GPATCH11: variants seen among roughly 807,000 people sequenced by gnomAD.
GPATCH11 encodes G patch domain-containing protein 11.
A neutral mutation model predicts 44.8 loss-of-function variants in GPATCH11; 32 were observed. That is an observed-to-expected ratio of 0.71 (90% confidence interval 0.54 to 0.96). GPATCH11 has a LOEUF of 0.96. Among genes scored for constraint, GPATCH11 ranks in the 40% least tolerant of loss-of-function variants. The pLI is 0.00. For missense variants in GPATCH11, 324 were observed against 303.1 expected (o/e 1.07, Z -0.51); for synonymous variants, 84 against 94.4 (o/e 0.89, Z 0.64).
chr2:37,084,557 C>A lies in GPATCH11; in HGVS notation c.-27C>A. On this transcript the variant is annotated 5_prime_UTR_variant, in exon 1 of 9. Coordinates refer to ENST00000674370, the MANE Select transcript of GPATCH11 (RefSeq NM_174931.4). ...CTCTACGGCGCTGAACCGGGGCGAG[C>A]AGAGAGCTGTCAGGTAAGAGAGCTG... The A allele has an allele frequency of 8.1e-7, 1 of 1,232,408 alleles. No homozygotes were observed. The highest frequency in any genetic ancestry group is 1.0e-6 in the Non-Finnish European group (1 of 988,164). The allele number at this position is 1,232,408 out of a possible 1,614,324, so 76.3% of individuals were successfully genotyped here.
chr2:37,092,489 T>TTA (rs147701297), intron 6 of GPATCH11, among the ~76,000 whole-genome samples: 49 of 143,890 alleles, frequency 3.4e-4, no homozygotes, highest in African/African-American at 5.8e-4. Context: ...AATATATATA[T>TTA]TATATATATA....
intron 1 of GPATCH11, among the ~76,000 whole-genome samples, chr2:37,084,882 C>T (rs975943514): frequency 1.3e-5 from 2 of 152,210 alleles, no homozygotes; most frequent in Non-Finnish European, 2.9e-5. Context: ...CAAACCTACT[C>T]CTACAGTCTT....
chr2:37,090,049 AC>A (rs1380505826), intron 3 of GPATCH11, among the ~76,000 whole-genome samples, 183 bp downstream of exon 3: 2 of 152,232 alleles, frequency 1.3e-5, no homozygotes, highest in Non-Finnish European at 2.9e-5. Flanking sequence ...CATTTTAGAT[AC>A]CACATGTGCC....
chr2:37,092,111 AAAATGG>A, intron 5 of GPATCH11, 48 bp from the exon 6 acceptor site: 2 of 1,570,006 alleles, frequency 1.3e-6, no homozygotes, highest in Non-Finnish European at 1.7e-6. Flanking sequence ...TTGGGCATAT[AAAATGG>A]TTAAAGATAA....
rs977805742 is a variant in GPATCH11 at position 37,089,839 on chromosome 2, A to G, written c.259A>G (p.Lys87Glu). Residue 87 changes from lysine to glutamate, a missense_variant, in exon 3 of 9, where the codon AAA becomes GAA. Physicochemically the swap from Lys to Glu is moderately conservative, Grantham distance 56. Transcript: ENST00000674370. ...TGCCTTGCTCCAAAAGATGGGCTAT[A>G]AAAGTGGTCAGGCACTTGGCAAGAG... is the stretch of plus-strand genomic sequence containing the variant. ...GFALLQKMGYKSGQALGKSGG... is the reference protein window; with the variant it reads ...GFALLQKMGYESGQALGKSGG... The G allele has an allele frequency of 1.3e-6, 2 of 1,551,610 alleles. No homozygotes were observed. The highest frequency in any genetic ancestry group is 2.7e-5 in the African/African-American group (2 of 73,180).
At chr2:37,089,510 T>A in intron 2 of GPATCH11, 130 bp from the exon 3 acceptor site, 1 of 685,984 alleles carries the variant, frequency 1.5e-6, no homozygotes. Flanking sequence ...GAGGTTGCAG[T>A]GAGCCAAGAT....
intron 7 of GPATCH11, among the ~76,000 whole-genome samples, chr2:37,094,476 A>G (rs1673477354): frequency 6.6e-6 from 1 of 152,138 alleles, no homozygotes; most frequent in Non-Finnish European, 1.5e-5. Flanking sequence ...ACTTACATAT[A>G]ATTTTTCCCT....
intron 1 of GPATCH11, among the ~76,000 whole-genome samples, chr2:37,085,969 C>T (rs571088881): frequency 6.6e-6 from 1 of 152,208 alleles, no homozygotes; most frequent in Admixed American, 6.5e-5. Context: ...CAGTTCCAAT[C>T]GTGTGACCTT....
intron 6 of GPATCH11, 92 bp downstream of exon 6, chr2:37,092,347 A>C (rs1266581226): frequency 4.9e-6 from 1 of 203,636 alleles, no homozygotes; most frequent in African/African-American, 2.4e-5. Flanking sequence ...TATTTTATAT[A>C]TGTATTATAT....
At position 37,096,399 on chromosome 2, in the gene GPATCH11, C is replaced by T; in HGVS notation, c.*136C>T. The T allele has an allele frequency of 3.2e-6, 2 of 633,836 alleles. No homozygotes were observed. The highest frequency in any genetic ancestry group is 5.6e-6 in the Non-Finnish European group (2 of 357,214). 39.3% of individuals were successfully genotyped at this position (633,836 alleles called of 1,614,324 possible). On this transcript the variant is annotated 3_prime_UTR_variant, in exon 9 of 9. Transcript: ENST00000674370. ...TATATAATGTTTTGTTCTTTTTGTA[C>T]TTTAGAATATGAATGTTCATTGACT...
In GPATCH11 at chr2:37,089,749, G is replaced by A. The variant is rs1237805987; in HGVS notation, c.169G>A (p.Glu57Lys). ...GAAAAACAGGCAGAAGAGTTTAAAA[G>A]AAGAAGAACAAGAAAGACGTGACAT... Reference protein sequence around the residue: ...NLKNRQKSLKEEEQERRDIGL... With the variant: ...NLKNRQKSLKKEEQERRDIGL... The change falls in exon 3 of 9, where the codon GAA becomes AAA. Residue 57 changes from glutamate (E) to lysine (K), a missense_variant. Coordinates refer to ENST00000674370, the MANE Select transcript of GPATCH11 (RefSeq NM_174931.4). The A allele has an allele frequency of 1.9e-6, 3 of 1,551,896 alleles. No homozygotes were observed. In the South Asian group the frequency reaches 3.6e-5, roughly 18 times the overall value.
At chr2:37,087,669 G>C (rs1005770087) in intron 1 of GPATCH11, among the ~76,000 whole-genome samples, 30 of 146,104 alleles carry the variant, frequency 2.1e-4, no homozygotes, top group African/African-American at 8.1e-4. Flanking sequence ...TGTAGAGAAA[G>C]GCCTGGAGTG....
At chr2:37,094,522 TTGGA>T (rs1183774249) in intron 7 of GPATCH11, among the ~76,000 whole-genome samples, 1 of 152,224 alleles carries the variant, frequency 6.6e-6, no homozygotes, top group Non-Finnish European at 1.5e-5. Flanking sequence ...CAGCTTCAGT[TTGGA>T]TGATGAATTA....
chr2:37,090,703 T>C lies in GPATCH11; in HGVS notation c.309T>C (p.Ile103=). ...AAGGGGGTGGTATTGTTGAACCAAT[T>C]CCTCTCAATATCAAAACAGGTACGT... ...GKSGGGIVEP[I]PLNIKTGKSG... The change falls in exon 4 of 9, where the codon ATT becomes ATC. Residue 103 remains isoleucine, a synonymous_variant. Transcript: ENST00000674370. 6.8e-7 allele frequency: 1 copy of C among 1,469,906 alleles called. No homozygotes were observed. Among genetic ancestry groups the C allele is most frequent in the Non-Finnish European group, 9.3e-7 (1 of 1,080,134 alleles). The allele number at this position is 1,469,906 out of a possible 1,614,324, so 91.1% of individuals were successfully genotyped here.
In GPATCH11 at chr2:37,088,357, C is replaced by A; in HGVS notation, c.-13-12C>A. 3 of 1,341,554 alleles carry A rather than the reference C, an allele frequency of 2.2e-6. No individual in the cohort carries two copies. Among genetic ancestry groups the A allele is most frequent in the Non-Finnish European group, 3.1e-6 (3 of 974,708 alleles). The allele number at this position is 1,341,554 out of a possible 1,614,324, so 83.1% of individuals were successfully genotyped here. A position where few individuals can be genotyped will look rare whatever the true frequency, so the allele number is the denominator to read the frequency against. Reference sequence around the variant, plus strand: ...AAACTAAAAAAAAAAGTAATTATTACTTTATTTGTAGATACTATAGCCATA... The same window carrying A: ...AAACTAAAAAAAAAAGTAATTATTAATTTATTTGTAGATACTATAGCCATA... On this transcript the variant is annotated splice_polypyrimidine_tract_variant and intron_variant, in intron 1 of 8. Transcript: ENST00000674370.
Position 37,087,986 on chromosome 2 carries a change from C to T in GPATCH11, c.-13-383C>T, listed in dbSNP as rs1299173463. On this transcript the variant is annotated intron_variant, in intron 1 of 8. Transcript: ENST00000674370. ...GCAGAGAATGGACTGGAAGAGGAGA[C>T]CAACTAAGAAGCTGATTAAGAAGCT... Among the ~76,000 whole-genome samples, 4 of 151,754 alleles carry T rather than the reference C, an allele frequency of 2.6e-5. No individual in the cohort carries two copies. In the East Asian group the frequency reaches 5.8e-4, roughly 22 times the overall value.
chr2:37,090,624 A>G (rs1673270300), intron 3 of GPATCH11, 57 bp from the exon 4 acceptor site: 1 of 915,258 alleles, frequency 1.1e-6, no homozygotes, highest in Non-Finnish European at 1.7e-6. Context: ...GCATACTTAT[A>G]CTGTTCTGTA....
rs1238382919 is a variant in GPATCH11, at chr2:37,098,924, A to AGTT, written c.*2662_*2664dup. 6.6e-6 allele frequency: 1 copy of AGTT among 152,228 alleles called. No homozygotes were observed. The highest frequency in any genetic ancestry group is 2.4e-5 in the African/African-American group (1 of 41,464). The allele number at this position is 152,228 out of a possible 1,614,324, so 9.4% of individuals were successfully genotyped here. A position where few individuals can be genotyped will look rare whatever the true frequency, so the allele number is the denominator to read the frequency against. ...AATCAGACTTTCAATATGAGTAACA[A>AGTT]GTTATTTTTAGGCCTTTTATGACTT... On this transcript the variant is annotated 3_prime_UTR_variant, in exon 9 of 9. Coordinates refer to ENST00000674370, the MANE Select transcript of GPATCH11 (RefSeq NM_174931.4).
At chr2:37,085,829 TAAG>T (rs1017550205) in intron 1 of GPATCH11, among the ~76,000 whole-genome samples, 23 of 152,356 alleles carry the variant, frequency 1.5e-4, no homozygotes, top group African/African-American at 5.5e-4. Flanking sequence ...TGGACTTTCT[TAAG>T]AAGTTGCAGT....
Sources: gnomAD v4.1 joint callset for allele counts (sites outside exome capture counted in the v4.1 genomes callset) on GRCh38, gnomAD v4.1.1 for gene constraint, MANE v1.5 for transcripts, NCBI Gene and HGNC (gene_info 2026-07-23, HGNC 2026-07-21) for gene names.